The following SPIN1 variants were observed in gnomAD, a reference collection of about 807,000 sequenced individuals.
SPIN1 encodes the protein spindlin-1.
In SPIN1, 3 loss-of-function variants were observed where a neutral mutation model predicts 26.0. The observed-to-expected ratio is 0.12, with a 90% CI of 0.05 to 0.30. The LOEUF is 0.30. SPIN1 is among the 10% of genes least tolerant of loss of function. The probability of loss-of-function intolerance (pLI) is 1.00; values close to 1 mark genes in which losing one functional copy is unlikely to be tolerated. For missense variants in SPIN1, 126 were observed against 333.4 expected, an observed-to-expected ratio of 0.38 and a Z score of 4.84; for synonymous variants, 101 against 116.5, an observed-to-expected ratio of 0.87 and a Z score of 0.86.
intron 1 of SPIN1, among the ~76,000 whole-genome samples, chr9:88,416,117 T>A (rs1437640934): frequency 6.6e-6 from 1 of 152,078 alleles, no homozygotes. Context: ...ACTCTGAGTA[T>A]TTTTTCTTTC....
At chr9:88,448,795 CA>C (rs1828303622) in intron 2 of SPIN1, 145 bp from the exon 3 acceptor site, 2 of 620,412 alleles carry the variant, frequency 3.2e-6, no homozygotes, top group Non-Finnish European at 5.4e-6. Flanking sequence ...GTTCAGTAAA[CA>C]AATGGCTTTC....
At chr9:88,390,224 TG>T (rs1385636062) in intron 1 of SPIN1, among the ~76,000 whole-genome samples, 1 of 152,228 alleles carries the variant, frequency 6.6e-6, no homozygotes, top group Non-Finnish European at 1.5e-5. Flanking sequence ...GGATGTTCCC[TG>T]GAACAGCCAT....
At chr9:88,463,954 C>G (rs1828615206) in intron 4 of SPIN1, among the ~76,000 whole-genome samples, 1 of 152,152 alleles carries the variant, frequency 6.6e-6, no homozygotes, top group East Asian at 1.9e-4. Flanking sequence ...TAGTCTCTGC[C>G]CCTTCTGAGA....
intron 3 of SPIN1, among the ~76,000 whole-genome samples, chr9:88,450,847 A>G (rs1324379345): frequency 6.6e-6 from 1 of 152,164 alleles, no homozygotes; most frequent in African/African-American, 2.4e-5. Context: ...AATGATGATT[A>G]TTAATATTTT....
intron 1 of SPIN1, among the ~76,000 whole-genome samples, chr9:88,396,561 C>A (rs186322307): frequency 6.6e-6 from 1 of 152,208 alleles, no homozygotes; most frequent in African/African-American, 2.4e-5. Flanking sequence ...GAGATCACAC[C>A]CCTGCACTCC....
rs776980392 is a variant in SPIN1, at chr9:88,466,878, G to A, written c.356-1494G>A. Among the ~76,000 whole-genome samples, 64 of 152,086 alleles carry A rather than the reference G, an allele frequency of 4.2e-4. 2 individuals are homozygous for A. The highest frequency in any genetic ancestry group is 6.0e-4 in the Non-Finnish European group (41 of 68,012). The stretch of plus-strand genomic sequence containing the variant: ...AGCCTTCTCAGTAGCTGGGACTACA[G>A]GCCTGCACTGCCACACCTGGCTAAT... On this transcript the variant is annotated intron_variant, in intron 4 of 5. Transcript: ENST00000375859.
At chr9:88,461,253 C>T (rs1191452169) in intron 3 of SPIN1, among the ~76,000 whole-genome samples, 4 of 152,124 alleles carry the variant, frequency 2.6e-5, no homozygotes, top group African/African-American at 9.7e-5. Context: ...GGAAGGTTTG[C>T]TGGGTTTTTG....
At chr9:88,420,300 G>A (rs1419746755) in intron 1 of SPIN1, among the ~76,000 whole-genome samples, 1 of 152,222 alleles carries the variant, frequency 6.6e-6, no homozygotes, top group Non-Finnish European at 1.5e-5. Context: ...ACTTGAACCT[G>A]GGAGGCGGAG....
chr9:88,407,251 C>G (rs1827330187), intron 1 of SPIN1, among the ~76,000 whole-genome samples: 1 of 152,014 alleles, frequency 6.6e-6, no homozygotes, highest in Admixed American at 6.6e-5. Context: ...ATTCTCCTGC[C>G]TCAGCCTCCC....
chr9:88,421,601 G>A (rs749953111), intron 1 of SPIN1, among the ~76,000 whole-genome samples: 6 of 126,174 alleles, frequency 4.8e-5, no homozygotes, highest in East Asian at 2.3e-4. Flanking sequence ...TGTAGCTTTC[G>A]CCAGCCCCCT....
At chr9:88,406,507 T>C (rs1827314044) in intron 1 of SPIN1, among the ~76,000 whole-genome samples, 1 of 152,052 alleles carries the variant, frequency 6.6e-6, no homozygotes, top group Admixed American at 6.6e-5. Context: ...TTAGCCAGCA[T>C]GGTCTCCATC....
intron 3 of SPIN1, among the ~76,000 whole-genome samples, chr9:88,451,057 G>A (rs370018786): frequency 2.6e-5 from 4 of 151,404 alleles, no homozygotes; most frequent in South Asian, 4.2e-4. Flanking sequence ...AATGAGGTTT[G>A]CAGCTTTTTA....
chr9:88,427,223 T>G lies in SPIN1; in HGVS notation c.52+632T>G, dbSNP rs188366520. On this transcript the variant is annotated intron_variant, in intron 2 of 5. Transcript: ENST00000375859. ...ATATCTGAATGTTGAAAAAGAACAT[T>G]TTAGGGTTCTTTGACAAATGAATCA... Among the ~76,000 whole-genome samples, 4 of 152,250 alleles carry G rather than the reference T, an allele frequency of 2.6e-5. No homozygotes were observed. In the East Asian group the frequency reaches 7.7e-4, roughly 29 times the overall value.
intron 4 of SPIN1, among the ~76,000 whole-genome samples, chr9:88,466,334 T>G (rs1828667728): frequency 2.0e-5 from 3 of 152,166 alleles, no homozygotes; most frequent in Admixed American, 6.5e-5. Context: ...AATTTTTAAC[T>G]TTTTGTAGAG....
intron 1 of SPIN1, among the ~76,000 whole-genome samples, chr9:88,425,866 G>C (rs1044265784): frequency 3.3e-5 from 5 of 152,084 alleles, no homozygotes; most frequent in African/African-American, 1.2e-4. Context: ...CTGGCCTGCT[G>C]ATCTTCAGCC....
At chr9:88,449,074 C>T (rs1338684701) in intron 3 of SPIN1, 85 bp downstream of exon 3, 19 of 1,327,374 alleles carry the variant, frequency 1.4e-5, no homozygotes, top group African/African-American at 2.9e-5. Flanking sequence ...AAGGCCTCCT[C>T]CCCTGTGATC....
intron 2 of SPIN1, among the ~76,000 whole-genome samples, chr9:88,448,441 TCC>T (rs1355009414): frequency 6.6e-6 from 1 of 152,090 alleles, no homozygotes; most frequent in East Asian, 1.9e-4. Flanking sequence ...AACCTCGACT[TCC>T]TGGGCTCAAG....
At chr9:88,423,985 C>T (rs761307853) in intron 1 of SPIN1, among the ~76,000 whole-genome samples, 2 of 152,032 alleles carry the variant, frequency 1.3e-5, no homozygotes, top group Non-Finnish European at 2.9e-5. Flanking sequence ...CCAGGCTGGT[C>T]TCGAACTTTT....
At chr9:88,473,403 A>AG (rs1017008440) in intron 5 of SPIN1, among the ~76,000 whole-genome samples, 1 of 151,814 alleles carries the variant, frequency 6.6e-6, no homozygotes, top group African/African-American at 2.4e-5. Flanking sequence ...CAAAAAGAAA[A>AG]AAAAAATTGT....
Sources: allele counts gnomAD v4.1 joint callset (sites outside exome capture counted in the v4.1 genomes callset), GRCh38; gene constraint gnomAD v4.1.1; transcripts MANE v1.5; gene names NCBI Gene and HGNC (gene_info 2026-07-23, HGNC 2026-07-21).